MSRA: variants seen among roughly 807,000 people sequenced by gnomAD.
MSRA encodes mitochondrial peptide methionine sulfoxide reductase.
A neutral mutation model predicts 31.3 loss-of-function variants in MSRA; 54 were observed. The ratio of observed to expected loss-of-function variants is 1.73; its 90% confidence interval spans 1.39 to 2.17. The LOEUF (loss-of-function observed/expected upper bound fraction) is 2.17. Ranked by LOEUF, MSRA falls within the 30% of genes most tolerant of loss-of-function variation. The probability of loss-of-function intolerance (pLI) is 0.00; values close to 1 mark genes in which losing one functional copy is unlikely to be tolerated. For synonymous variants in MSRA, 169 were observed against 116.5 expected, an observed-to-expected ratio of 1.45 and a Z score of -2.90; for missense variants, 507 against 300.9, an observed-to-expected ratio of 1.69 and a Z score of -5.07.
chr8:10,138,419 G>A lies in MSRA; in HGVS notation c.143-69414G>A, dbSNP rs537901491. 3.9e-5 allele frequency among the ~76,000 whole-genome samples: 6 copies of A among 152,302 alleles called. No homozygotes were observed. In the South Asian group the frequency reaches 1.2e-3, roughly 32 times the overall value. On this transcript the variant is annotated intron_variant, in intron 1 of 5. Coordinates refer to ENST00000317173, the MANE Select transcript of MSRA (RefSeq NM_012331.5). ...CAGGGCAGAATCTTGCTGCAACTTC[G>A]ATGTTGAGCATTCTGGCCCACGGGA...
chr8:10,089,606 T>C (rs1261093982), intron 1 of MSRA, among the ~76,000 whole-genome samples: 2 of 152,208 alleles, frequency 1.3e-5, no homozygotes, highest in African/African-American at 2.4e-5. Context: ...TATAAAGGAA[T>C]ACTTGAGGCT....
intron 1 of MSRA, among the ~76,000 whole-genome samples, chr8:10,157,006 C>A (rs1320658841): frequency 1.3e-5 from 2 of 151,628 alleles, no homozygotes; most frequent in Admixed American, 1.3e-4. Flanking sequence ...TCATCATCCC[C>A]ACATTACCAG....
chr8:10,410,138 A>G (rs1808067073), intron 5 of MSRA, among the ~76,000 whole-genome samples: 1 of 152,240 alleles, frequency 6.6e-6, no homozygotes, highest in South Asian at 2.1e-4. Context: ...GGATCTTCCC[A>G]TAGTGGTCTT....
chr8:10,282,588 C>G (rs2952202), intron 3 of MSRA, among the ~76,000 whole-genome samples: 1 of 152,130 alleles, frequency 6.6e-6, no homozygotes, highest in African/African-American at 2.4e-5. Context: ...TGGCACTGTG[C>G]TTGATGCAAA....
At chr8:10,168,368 G>A (rs1262007935) in intron 1 of MSRA, among the ~76,000 whole-genome samples, 1 of 152,096 alleles carries the variant, frequency 6.6e-6, no homozygotes. Context: ...TCGCTGGTGT[G>A]CTATCATCCC....
At chr8:10,304,564 A>G (rs969516508) in intron 4 of MSRA, among the ~76,000 whole-genome samples, 1 of 152,198 alleles carries the variant, frequency 6.6e-6, no homozygotes, top group Non-Finnish European at 1.5e-5. Context: ...GTCAAGTGTC[A>G]TTTTTCCAAG....
At chr8:10,188,057 A>C (rs1177936716) in intron 1 of MSRA, among the ~76,000 whole-genome samples, 1 of 152,258 alleles carries the variant, frequency 6.6e-6, no homozygotes, top group African/African-American at 2.4e-5. Context: ...ACAAGATTAA[A>C]AAAAATACTT....
At chr8:10,345,013 C>T (rs1803681170) in intron 5 of MSRA, among the ~76,000 whole-genome samples, 1 of 152,118 alleles carries the variant, frequency 6.6e-6, no homozygotes, top group Non-Finnish European at 1.5e-5. Context: ...AGGCAGGGCT[C>T]AGTTGGGAAG....
chr8:10,203,189 A>G lies in MSRA; in HGVS notation c.143-4644A>G, dbSNP rs542887397. 5.3e-5 allele frequency among the ~76,000 whole-genome samples: 8 copies of G among 152,228 alleles called. No homozygotes were observed. In the South Asian group the frequency reaches 1.7e-3, roughly 32 times the overall value. Reference sequence around the variant, plus strand: ...AAGTGAACTCCCTCCACCTTCTCCAATTCATGCAGTATTTCTGGTCTTTCC... The same window carrying G: ...AAGTGAACTCCCTCCACCTTCTCCAGTTCATGCAGTATTTCTGGTCTTTCC... On this transcript the variant is annotated intron_variant, in intron 1 of 5. Coordinates refer to ENST00000317173, the MANE Select transcript of MSRA (RefSeq NM_012331.5).
chr8:10,390,225 T>C (rs907667069), intron 5 of MSRA, among the ~76,000 whole-genome samples: 1 of 152,212 alleles, frequency 6.6e-6, no homozygotes, highest in Non-Finnish European at 1.5e-5. Flanking sequence ...TCTGAGGGGA[T>C]GGGGCCTCCG....
intron 1 of MSRA, among the ~76,000 whole-genome samples, chr8:10,130,951 C>G (rs1386195976): frequency 1.3e-5 from 2 of 152,126 alleles, no homozygotes; most frequent in Non-Finnish European, 2.9e-5. Flanking sequence ...TTTAAGAATC[C>G]TCAGTGTGCT....
intron 1 of MSRA, among the ~76,000 whole-genome samples, chr8:10,163,935 C>G (rs1804890447): frequency 6.6e-6 from 1 of 152,238 alleles, no homozygotes; most frequent in African/African-American, 2.4e-5. Flanking sequence ...TAGAACCAGC[C>G]TTTCTGTCTC....
intron 3 of MSRA, among the ~76,000 whole-genome samples, chr8:10,249,244 C>T (rs1239933536): frequency 1.3e-5 from 2 of 152,192 alleles, no homozygotes; most frequent in African/African-American, 2.4e-5. Flanking sequence ...GTCAGGCAGA[C>T]AGTTCTAATT....
chr8:10,387,274 G>C (rs1806453300), intron 5 of MSRA, among the ~76,000 whole-genome samples: 1 of 152,186 alleles, frequency 6.6e-6, no homozygotes, highest in African/African-American at 2.4e-5. Context: ...CAAGGAAGCA[G>C]GTAAAACAGA....
chr8:10,392,501 G>T (rs1435009619), intron 5 of MSRA, among the ~76,000 whole-genome samples: 3 of 152,088 alleles, frequency 2.0e-5, no homozygotes, highest in African/African-American at 7.2e-5. Flanking sequence ...TGCTCCTTCC[G>T]CTCTTTCTCC....
intron 5 of MSRA, among the ~76,000 whole-genome samples, chr8:10,403,660 C>T (rs528468361): frequency 7.7e-4 from 118 of 152,362 alleles, no homozygotes; most frequent in East Asian, 5.0e-3. Flanking sequence ...AGGCCTGGCT[C>T]ATGGGTGCTT....
At chr8:10,123,060 G>T (rs1801241102) in intron 1 of MSRA, among the ~76,000 whole-genome samples, 1 of 152,214 alleles carries the variant, frequency 6.6e-6, no homozygotes, top group South Asian at 2.1e-4. Flanking sequence ...TAATGGGACT[G>T]CTCTGTCAAA....
intron 3 of MSRA, among the ~76,000 whole-genome samples, chr8:10,294,721 G>A (rs941789715): frequency 1.3e-5 from 2 of 152,086 alleles, no homozygotes; most frequent in African/African-American, 4.8e-5. Flanking sequence ...TTGCACTGCG[G>A]GCTACAGCAG....
intron 5 of MSRA, among the ~76,000 whole-genome samples, chr8:10,344,259 C>T (rs1803627885): frequency 1.3e-5 from 2 of 152,186 alleles, no homozygotes; most frequent in Admixed American, 1.3e-4. Context: ...GATCTCTCAG[C>T]AGCTGTTCAC....
Sources: gnomAD v4.1 joint callset for allele counts (sites outside exome capture counted in the v4.1 genomes callset) on GRCh38, gnomAD v4.1.1 for gene constraint, MANE v1.5 for transcripts, NCBI Gene and HGNC (gene_info 2026-07-23, HGNC 2026-07-21) for gene names.